Variants in AQR observed in about 807,000 individuals in gnomAD.
AQR encodes the protein RNA helicase aquarius.
Under a neutral mutation model 180.5 loss-of-function variants are expected in AQR, and 61 were observed. The observed-to-expected ratio is 0.34, with a 90% confidence interval of 0.28 to 0.42. The LOEUF is 0.42. AQR is among the 10% of genes least tolerant of loss of function. The probability of loss-of-function intolerance (pLI) is 1.00; values close to 1 mark genes in which losing one functional copy is unlikely to be tolerated. For synonymous variants in AQR, 551 were observed against 588.8 expected, an observed-to-expected ratio of 0.94 and a Z score of 0.93; for missense variants, 1,281 against 1,798.3, an observed-to-expected ratio of 0.71 and a Z score of 5.20.
chr15:34,927,117 G>A lies in AQR; in HGVS notation c.1036C>T (p.Pro346Ser). The part of the protein sequence containing the change: ...SLQRAAFAHF[P>S]ELYDFALSNV... Reference sequence around the variant, plus strand: ...GAGAGGGCAAAATCATAGAGTTCAGGAAAATGTGCAAAAGCAGCTCTCTAG... The same window carrying A: ...GAGAGGGCAAAATCATAGAGTTCAGAAAAATGTGCAAAAGCAGCTCTCTAG... The change falls in exon 13 of 35, where the codon CCT becomes TCT. Residue 346 changes from proline (P) to serine (S), a missense_variant. Physicochemically the swap from Pro to Ser is moderately conservative, Grantham distance 74. This residue lies in a region of AQR where 404 missense variants were observed against 490.9 expected (regional missense o/e 0.82). Transcript: ENST00000156471. The A allele has an allele frequency of 6.3e-7, 1 of 1,582,664 alleles. No homozygotes were observed. Among genetic ancestry groups the A allele is most frequent in the Non-Finnish European group, 8.6e-7 (1 of 1,164,038 alleles).
At chr15:34,909,334 A>C (rs1274002038) in intron 17 of AQR, among the ~76,000 whole-genome samples, 1 of 152,228 alleles carries the variant, frequency 6.6e-6, no homozygotes, top group Non-Finnish European at 1.5e-5. Context: ...AAATCAGTTC[A>C]TATGTCACTT....
chr15:34,881,641 T>C (rs989952763), intron 27 of AQR, among the ~76,000 whole-genome samples: 2 of 152,226 alleles, frequency 1.3e-5, no homozygotes, highest in Admixed American at 1.3e-4. Flanking sequence ...TATCATATGA[T>C]GAAACCATTT....
intron 14 of AQR, among the ~76,000 whole-genome samples, chr15:34,919,163 C>T (rs1216440651): frequency 2.7e-5 from 4 of 150,606 alleles, no homozygotes; most frequent in South Asian, 2.1e-4. Flanking sequence ...TGCTTGAACC[C>T]GGGAGGCGGA....
chr15:34,932,268 T>C (rs1566992004), intron 11 of AQR, 50 bp downstream of exon 11: 72 of 1,487,472 alleles, frequency 4.8e-5, no homozygotes, highest in Non-Finnish European at 6.7e-5. Context: ...AAAGAAAAGA[T>C]CAATTTAGAA....
At chr15:34,888,938 A>ATATC (rs1220317107) in intron 24 of AQR, among the ~76,000 whole-genome samples, 1 of 152,216 alleles carries the variant, frequency 6.6e-6, no homozygotes, top group Non-Finnish European at 1.5e-5. Flanking sequence ...CAAACTAACA[A>ATATC]TATCTAGGTT....
chr15:34,926,713 C>A (rs373792576), intron 13 of AQR, among the ~76,000 whole-genome samples: 14 of 152,296 alleles, frequency 9.2e-5, no homozygotes, highest in African/African-American at 3.1e-4. Context: ...CCTCTAATAT[C>A]ACACATAATG....
rs374297920 is a variant in AQR, at chr15:34,866,886, A to C, written c.3854+638T>G. Among the ~76,000 whole-genome samples, 21 of 152,258 alleles carry C rather than the reference A, an allele frequency of 1.4e-4. No individual in the cohort carries two copies. The East Asian group carries it at 3.1e-3, about 22-fold the overall frequency. On this transcript the variant is annotated intron_variant, in intron 32 of 34. Coordinates refer to ENST00000156471, the MANE Select transcript of AQR (RefSeq NM_014691.3). Reference sequence around the variant, plus strand: ...AACAGATCTTAATGACAACATTATGAGAGCTTGGAGAATTTTCTTTTTATT... The same window carrying C: ...AACAGATCTTAATGACAACATTATGCGAGCTTGGAGAATTTTCTTTTTATT...
At chr15:34,893,641 A>G (rs750585674) in intron 23 of AQR, 22 bp downstream of exon 23, 45 of 1,587,386 alleles carry the variant, frequency 2.8e-5, no homozygotes, top group African/African-American at 4.2e-5. Context: ...ACACACACAC[A>G]CACACACACA....
At chr15:34,930,118 G>A (rs1480599216) in intron 12 of AQR, 140 bp downstream of exon 12, 12 of 489,458 alleles carry the variant, frequency 2.5e-5, no homozygotes, top group African/African-American at 9.6e-5. Flanking sequence ...AGAATTCATT[G>A]GAAAAAGAAA....
chr15:34,883,524 A>C (rs1893007241), intron 26 of AQR, among the ~76,000 whole-genome samples: 2 of 152,122 alleles, frequency 1.3e-5, no homozygotes, highest in African/African-American at 4.8e-5. Context: ...ATTATTCTGT[A>C]CCTACCATCC....
intron 7 of AQR, among the ~76,000 whole-genome samples, chr15:34,941,480 A>C (rs971301022): frequency 3.3e-5 from 5 of 152,216 alleles, no homozygotes; most frequent in African/African-American, 1.2e-4. Flanking sequence ...GGTGCTTATA[A>C]ATGAGTCTGC....
At chr15:34,922,215 G>A (rs1390771857) in intron 13 of AQR, among the ~76,000 whole-genome samples, 22 of 152,064 alleles carry the variant, frequency 1.4e-4, no homozygotes, top group Admixed American at 1.4e-3. Flanking sequence ...GTTCCTTTAC[G>A]TTGCTGAGCA....
At chr15:34,925,161 C>A (rs1038991609) in intron 13 of AQR, among the ~76,000 whole-genome samples, 2 of 151,874 alleles carry the variant, frequency 1.3e-5, no homozygotes, top group Non-Finnish European at 2.9e-5. Flanking sequence ...ATTAAAAGTT[C>A]TTTAAAATCA....
intron 9 of AQR, among the ~76,000 whole-genome samples, chr15:34,938,117 G>A (rs1375220468): frequency 6.6e-6 from 1 of 151,864 alleles, no homozygotes; most frequent in African/African-American, 2.4e-5. Context: ...ATGCAAATAT[G>A]GTCTGTAATT....
At chr15:34,916,527 C>G (rs1408342579) in intron 15 of AQR, among the ~76,000 whole-genome samples, 1 of 151,798 alleles carries the variant, frequency 6.6e-6, no homozygotes, top group Non-Finnish European at 1.5e-5. Flanking sequence ...GACTTGTAAT[C>G]TAACTCAATT....
intron 17 of AQR, among the ~76,000 whole-genome samples, chr15:34,907,446 C>T (rs779408446): frequency 2.5e-4 from 38 of 152,198 alleles, no homozygotes; most frequent in Non-Finnish European, 4.4e-4. Context: ...ACTTAATCTT[C>T]ATTCCATTTC....
At chr15:34,917,179 G>T (rs2140484566) in intron 15 of AQR, among the ~76,000 whole-genome samples, 1 of 152,304 alleles carries the variant, frequency 6.6e-6, no homozygotes, top group African/African-American at 2.4e-5. Context: ...TATGAAGACT[G>T]CCTATGTTCT....
At chr15:34,861,357 T>A (rs1189550645) in intron 33 of AQR, among the ~76,000 whole-genome samples, 3 of 152,206 alleles carry the variant, frequency 2.0e-5, no homozygotes, top group Admixed American at 1.3e-4. Context: ...TAGCTTATTT[T>A]CTGGAGTCTT....
At chr15:34,898,860 G>T (rs1566985085) in intron 20 of AQR, among the ~76,000 whole-genome samples, 1 of 143,214 alleles carries the variant, frequency 7.0e-6, no homozygotes, top group Non-Finnish European at 1.5e-5. Context: ...CTCCAGCCCG[G>T]GTGACAGAGC....
Sources: gnomAD v4.1 joint callset for allele counts (sites outside exome capture counted in the v4.1 genomes callset) on GRCh38, gnomAD v4.1.1 for gene constraint, gnomAD v4.1.1 regional missense constraint, MANE v1.5 for transcripts, NCBI Gene and HGNC (gene_info 2026-07-23, HGNC 2026-07-21) for gene names.